Variants in SLC26A6 observed in about 807,000 individuals in gnomAD.
SLC26A6 encodes the protein solute carrier family 26 member 6.
SLC26A6 carries 67 observed loss-of-function variants against 87.1 expected under a neutral mutation model. That is an observed-to-expected ratio of 0.77 (90% CI 0.63 to 0.94). The LOEUF is 0.94. SLC26A6 is among the 40% of genes least tolerant of loss of function. SLC26A6 has a pLI of 0.00. For synonymous variants in SLC26A6, 414 were observed against 405.9 expected (o/e 1.02, Z -0.24); for missense variants, 902 against 973.0 (o/e 0.93, Z 0.97).
intron 7 of SLC26A6, 34 bp from the exon 8 acceptor site, chr3:48,631,340 C>T (rs760110942): frequency 6.5e-7 from 1 of 1,530,310 alleles, no homozygotes. Context: ...GAGGCAGGTG[C>T]TGGCACCATG....
rs1173061885 is a variant in SLC26A6 at position 48,628,453 on chromosome 3, T to C, written c.1781A>G (p.Glu594Gly). The C allele has an allele frequency of 6.2e-7, 1 of 1,614,102 alleles. No homozygotes were observed. The highest frequency in any genetic ancestry group is 2.2e-5 in the East Asian group (1 of 44,886). ...CCCTGCCTGTTTCCGAAGCTTCTCCTCTTTCTGCAGTTGCTTCAGCTTCAG... is the reference window on the plus strand; with the variant it reads ...CCCTGCCTGTTTCCGAAGCTTCTCCCCTTTCTGCAGTTGCTTCAGCTTCAG... ...EQLKLKQLQK[E>G]EKLRKQAASP... The change falls in exon 16 of 21, where the codon GAG (glutamate) becomes GGG (glycine). Residue 594 changes from glutamate to glycine, a missense_variant. Coordinates refer to ENST00000395550, the MANE Select transcript of SLC26A6 (RefSeq NM_022911.3). This position sits in a 1 kb window ranked among gnomAD's most constrained non-coding sequence, Gnocchi z 4.4.
Position 48,627,936 on chromosome 3 carries a change from CCA to C in SLC26A6, c.1893+8_1893+9del. The C allele has an allele frequency of 6.3e-7, 1 of 1,584,014 alleles. No homozygotes were observed. The highest frequency in any genetic ancestry group is 8.5e-7 in the Non-Finnish European group (1 of 1,169,930). On this transcript the variant is annotated splice_region_variant and intron_variant, in intron 17 of 20. Coordinates refer to ENST00000395550, the MANE Select transcript of SLC26A6 (RefSeq NM_022911.3). ...ACAGCTGTCACCTCCTTTCCCACCTCCAGTCTCACCATCATCTTGCAGTCCTC... is the reference window on the plus strand; with the variant it reads ...ACAGCTGTCACCTCCTTTCCCACCTCGTCTCACCATCATCTTGCAGTCCTC...
At position 48,634,704 on chromosome 3, in the gene SLC26A6, G is replaced by T. The variant is rs1404994991; in HGVS notation, c.23+667C>A. 3 of 984,782 alleles carry T rather than the reference G, an allele frequency of 3.0e-6. No individual in the cohort carries two copies. In the Admixed American group the frequency reaches 1.8e-4, roughly 61 times the overall value. 61.0% of individuals were successfully genotyped at this position (984,782 alleles called of 1,614,324 possible). A position where few individuals can be genotyped will look rare whatever the true frequency, so the allele number is the denominator to read the frequency against. On this transcript the variant is annotated intron_variant, in intron 1 of 20. Coordinates refer to ENST00000395550, the MANE Select transcript of SLC26A6 (RefSeq NM_022911.3). ...AGGAAAAGCCCTGACCTGGGGAGAG[G>T]ATCCCATTTGAGGGACAGGAACTCA...
chr3:48,631,903 A>G lies in SLC26A6; in HGVS notation c.727T>C (p.Ser243Pro). ...YVFGLHLSSH[S>P]GPLSLIYTVL... is the part of the protein sequence containing the mutation. Reference sequence around the variant, plus strand: ...ACATAGATGAGGGACAGTGGCCCAGAGTGGCTGCTCAGATGGAGGCCAAAC... The same window carrying G: ...ACATAGATGAGGGACAGTGGCCCAGGGTGGCTGCTCAGATGGAGGCCAAAC... The change falls in exon 6 of 21, where the codon TCT becomes CCT. Residue 243 changes from serine (S) to proline (P), a missense_variant. Physicochemically the swap from Ser to Pro is moderately conservative, Grantham distance 74 (BLOSUM62 -1). Coordinates refer to ENST00000395550, the MANE Select transcript of SLC26A6 (RefSeq NM_022911.3). The G allele has an allele frequency of 6.2e-7, 1 of 1,613,514 alleles. No individual in the cohort carries two copies. The highest frequency in any genetic ancestry group is 8.5e-7 in the Non-Finnish European group (1 of 1,180,022).
At position 48,628,735 on chromosome 3, in the gene SLC26A6, G is replaced by A. The variant is rs1360299422; in HGVS notation, c.1600-21C>T. 1 of 1,610,340 alleles carries A rather than the reference G, an allele frequency of 6.2e-7. No individual in the cohort carries two copies. Among genetic ancestry groups the A allele is most frequent in the Non-Finnish European group, 8.5e-7 (1 of 1,178,350 alleles). On this transcript the variant is annotated intron_variant, in intron 14 of 20. Transcript: ENST00000395550. The surrounding 1 kb of genome is among the most constrained non-coding windows in gnomAD (Gnocchi z 4.4). ...TTGGCCTGGGGATGAGGCAGAACTG[G>A]TGGTGGCTGAATCTCCTCTCTCCTG... is the stretch of plus-strand genomic sequence containing the variant.
chr3:48,632,341 C>A lies in SLC26A6; in HGVS notation c.489G>T (p.Pro163=), dbSNP rs1371391558. The A allele has an allele frequency of 6.2e-7, 1 of 1,612,732 alleles. No homozygotes were observed. The highest frequency in any genetic ancestry group is 1.1e-5 in the South Asian group (1 of 90,938). ...TGATCATGGAGTCGTTCAAGGCCTG[C>A]GGGGCCAGGGATTCTGTCACACTGC... The part of the protein sequence containing the change: ...MVGSVTESLA[P]QALNDSMINE... Residue 163 remains proline (P), a synonymous_variant, in exon 5 of 21, where the codon CCG becomes CCT. Coordinates refer to ENST00000395550, the MANE Select transcript of SLC26A6 (RefSeq NM_022911.3).
At chr3:48,633,874 T>A in intron 1 of SLC26A6, 1 of 1,406,572 alleles carries the variant, frequency 7.1e-7, no homozygotes, top group Non-Finnish European at 9.2e-7. Context: ...AAGTAGGGAC[T>A]GCAGGATGAG....
At chr3:48,627,485 G>A (rs2046658240) in intron 17 of SLC26A6, 1 of 187,658 alleles carries the variant, frequency 5.3e-6, no homozygotes, top group Non-Finnish European at 1.1e-5. Flanking sequence ...TTTTTTTAGA[G>A]ACGGGGTCTC....
Position 48,626,946 on chromosome 3 carries a change from A to C in SLC26A6, c.2003T>G (p.Phe668Cys), listed in dbSNP as rs933056160. ...ACCCAGGTCCAGGATGAGGCTGTGG[A>C]AGTCTGGCTGAGGCAGGCCCAGGGC... ...LKALGLPQPD[F>C]HSLILDLGAL... is the part of the protein sequence containing the mutation. Residue 668 changes from phenylalanine to cysteine, a missense_variant, in exon 18 of 21, where the codon TTC becomes TGC. Around this residue, in one of 3 missense-constraint regions of SLC26A6, gnomAD observed 800 missense variants for 856.8 expected, o/e 0.93. Transcript: ENST00000395550. The C allele has an allele frequency of 3.2e-5, 51 of 1,614,032 alleles. No individual in the cohort carries two copies. Among genetic ancestry groups the C allele is most frequent in the Non-Finnish European group, 4.2e-5 (50 of 1,180,042 alleles).
chr3:48,634,974 C>G (rs1045456249), intron 1 of SLC26A6, among the ~76,000 whole-genome samples: 2 of 152,224 alleles, frequency 1.3e-5, no homozygotes, highest in Non-Finnish European at 2.9e-5. Context: ...CCAGAAAGGC[C>G]GGAGCGCTCA....
chr3:48,632,648 G>C, intron 4 of SLC26A6: 1 of 696,764 alleles, frequency 1.4e-6, no homozygotes, highest in Admixed American at 2.0e-5. Flanking sequence ...GTGTCTACTG[G>C]TCCCGGGACA....
chr3:48,633,738 C>A (rs756100556), intron 1 of SLC26A6, 103 bp from the exon 2 acceptor site: 1 of 1,536,628 alleles, frequency 6.5e-7, no homozygotes, highest in South Asian at 1.3e-5. Flanking sequence ...TTTTTCCAGG[C>A]CCTAAGATCA....
chr3:48,628,536 A>G lies in SLC26A6; in HGVS notation c.1698T>C (p.Gly566=). ...GGGAGATGAGGAAGTCGACATCCACACCACACTGGAGGCAAACATCAGAGA... is the reference window on the plus strand; with the variant it reads ...GGGAGATGAGGAAGTCGACATCCACGCCACACTGGAGGCAAACATCAGAGA... ...FYSDALKQRC[G]VDVDFLISQK... is the part of the protein sequence containing the mutation. The change falls in exon 16 of 21, where the codon GGT becomes GGC. Residue 566 remains glycine (G), a synonymous_variant. Transcript: ENST00000395550. The surrounding 1 kb of genome is among the most constrained non-coding windows in gnomAD (Gnocchi z 4.4). 6.2e-7 allele frequency: 1 copy of G among 1,614,036 alleles called. No homozygotes were observed. The highest frequency in any genetic ancestry group is 8.5e-7 in the Non-Finnish European group (1 of 1,179,960).
At chr3:48,630,945 C>T (rs762456266) in intron 9 of SLC26A6, 48 bp downstream of exon 9, 20 of 1,601,060 alleles carry the variant, frequency 1.2e-5, no homozygotes, top group Middle Eastern at 3.3e-4. Flanking sequence ...CCGTTGCTGG[C>T]GCCTCCATAC....
intron 17 of SLC26A6, 46 bp from the exon 18 acceptor site, chr3:48,627,101 G>C: frequency 6.3e-7 from 1 of 1,585,282 alleles, no homozygotes; most frequent in Non-Finnish European, 8.6e-7. Context: ...AGAGAGTGAA[G>C]GCAGGACTGG....
chr3:48,633,172 C>G, intron 3 of SLC26A6, 79 bp downstream of exon 3: 2 of 1,586,758 alleles, frequency 1.3e-6, no homozygotes. Flanking sequence ...TGCCATAGTT[C>G]CAAGGTAGAG....
rs372499012 is a variant in SLC26A6, at chr3:48,628,406, G to A, written c.1800+28C>T. The stretch of plus-strand genomic sequence containing the variant: ...GGGCAGGGAACAGGGGGCAGGAGAT[G>A]GGGGTCACCAGACAAAAGGGGCCCT... On this transcript the variant is annotated intron_variant, in intron 16 of 20. Transcript: ENST00000395550. This position sits in a 1 kb window ranked among gnomAD's most constrained non-coding sequence, Gnocchi z 4.4. The A allele has an allele frequency of 3.7e-6, 6 of 1,613,206 alleles. No individual in the cohort carries two copies. In the South Asian group the frequency reaches 6.6e-5, roughly 18 times the overall value.
In SLC26A6 at chr3:48,630,427, T is replaced by TGG. The variant is rs1178901821; in HGVS notation, c.1326+9_1326+10dup. 3 of 1,553,682 alleles carry TGG rather than the reference T, an allele frequency of 1.9e-6. No individual in the cohort carries two copies. The highest frequency in any genetic ancestry group is 1.7e-6 in the Non-Finnish European group (2 of 1,148,272). On this transcript the variant is annotated intron_variant, in intron 11 of 20. Coordinates refer to ENST00000395550, the MANE Select transcript of SLC26A6 (RefSeq NM_022911.3). ...GGCCAAGACCTGAAACCTGGCTGGG[T>TGG]GGGGGCTCACCTTGGGCAGGTCATG...
Position 48,628,714 on chromosome 3 carries a change from C to A in SLC26A6, c.1600G>T (p.Ala534Ser), listed in dbSNP as rs1278810680. The change falls in exon 15 of 21, where the codon GCC becomes TCC. Residue 534 changes from alanine (A) to serine (S), a missense_variant and splice_region_variant. Coordinates refer to ENST00000395550, the MANE Select transcript of SLC26A6 (RefSeq NM_022911.3). The surrounding 1 kb of genome is among the most constrained non-coding windows in gnomAD (Gnocchi z 4.4). ...IYRDVAEYSE[A>S]KEVRGVKVFR... ...ACCTTCACCCCCCGGACTTCCTTGG[C>A]CTGGGGATGAGGCAGAACTGGTGGT... 12 of 1,613,066 alleles carry A rather than the reference C, an allele frequency of 7.4e-6. No homozygotes were observed. The highest frequency in any genetic ancestry group is 1.0e-5 in the Non-Finnish European group (12 of 1,179,668).
Sources: allele counts gnomAD v4.1 joint callset (sites outside exome capture counted in the v4.1 genomes callset), GRCh38; gene constraint gnomAD v4.1.1; regional missense constraint gnomAD v4.1.1; non-coding constraint Gnocchi (gnomAD v3.1); transcripts MANE v1.5; gene names NCBI Gene and HGNC (gene_info 2026-07-23, HGNC 2026-07-21).